LDB2: variants seen among roughly 807,000 people sequenced by gnomAD.
The protein encoded by LDB2 is LIM domain binding 2, also known as LIM domain-binding protein 2.
LDB2 carries 12 observed loss-of-function variants against 44.3 expected under a neutral mutation model. The ratio of observed to expected loss-of-function variants is 0.27; its 90% CI spans 0.17 to 0.44. LDB2 has a LOEUF of 0.44. LDB2 is among the 20% of genes least tolerant of loss of function. The pLI, the probability that LDB2 is intolerant of heterozygous loss-of-function variation, is 1.00. For synonymous variants in LDB2, 164 were observed against 174.8 expected (o/e 0.94, Z 0.49); for missense variants, 344 against 473.5 (o/e 0.73, Z 2.54).
chr4:16,771,506 A>G (rs992233085), intron 1 of LDB2, among the ~76,000 whole-genome samples: 3 of 152,174 alleles, frequency 2.0e-5, no homozygotes, highest in Admixed American at 6.5e-5. Flanking sequence ...CCAAAGAGGC[A>G]TCTCAGGCTT....
At chr4:16,802,132 C>T (rs947453071) in intron 1 of LDB2, among the ~76,000 whole-genome samples, 12 of 151,896 alleles carry the variant, frequency 7.9e-5, no homozygotes, top group Non-Finnish European at 1.5e-4. Context: ...CCCACCCATC[C>T]CCATCACCAA....
chr4:16,537,903 C>T (rs1210156722), intron 5 of LDB2, among the ~76,000 whole-genome samples: 1 of 152,204 alleles, frequency 6.6e-6, no homozygotes, highest in South Asian at 2.1e-4. Context: ...GCAAGAAGGT[C>T]TGCTTATTAC....
chr4:16,501,837 C>T lies in LDB2; in HGVS notation c.*806G>A, dbSNP rs1371612570. 1.3e-5 allele frequency: 2 copies of T among 152,552 alleles called. No homozygotes were observed. The highest frequency in any genetic ancestry group is 4.8e-5 in the African/African-American group (2 of 41,436). The allele number at this position is 152,552 out of a possible 1,614,324, so 9.4% of individuals were successfully genotyped here. A position where few individuals can be genotyped will look rare whatever the true frequency, so the allele number is the denominator to read the frequency against. On this transcript the variant is annotated 3_prime_UTR_variant, in exon 8 of 8. Transcript: ENST00000304523. ...TACAATTAGAAAACACACAAAGGTT[C>T]AGGTTTATTAAACTGCCCACAAAAC... is the stretch of plus-strand genomic sequence containing the variant.
chr4:16,528,217 G>A (rs1161444507), intron 5 of LDB2, among the ~76,000 whole-genome samples: 3 of 152,126 alleles, frequency 2.0e-5, no homozygotes, highest in Non-Finnish European at 4.4e-5. Flanking sequence ...GCGAAAGGGA[G>A]GGAAGCGGGT....
At chr4:16,780,692 A>G (rs1290318386) in intron 1 of LDB2, among the ~76,000 whole-genome samples, 2 of 151,868 alleles carry the variant, frequency 1.3e-5, no homozygotes, top group Non-Finnish European at 2.9e-5. Flanking sequence ...TTACAAGTTT[A>G]TTCGCTCTGT....
rs1265584797 is a variant in LDB2 at position 16,705,546 on chromosome 4, G to A, written c.235+53612C>T. Among the ~76,000 whole-genome samples the A allele has an allele frequency of 2.6e-5, 4 of 152,202 alleles. No homozygotes were observed. In the East Asian group the frequency reaches 5.8e-4, roughly 22 times the overall value. On this transcript the variant is annotated intron_variant, in intron 2 of 7. Coordinates refer to ENST00000304523, the MANE Select transcript of LDB2 (RefSeq NM_001290.5). ...CAGGAAATTCAATCTGTGGCCTGAG[G>A]GCAAGCCCAGCCTGCCTGCGCTTAG...
intron 2 of LDB2, among the ~76,000 whole-genome samples, chr4:16,728,058 G>A (rs1482960425): frequency 6.6e-6 from 1 of 152,156 alleles, no homozygotes; most frequent in Admixed American, 6.5e-5. Context: ...GGGGGAACTG[G>A]AGGAATTTCT....
intron 1 of LDB2, among the ~76,000 whole-genome samples, chr4:16,839,811 C>T (rs1049760900): frequency 6.6e-6 from 1 of 152,132 alleles, no homozygotes; most frequent in East Asian, 1.9e-4. Context: ...CTTATATAAG[C>T]TATGAGGAAA....
intron 1 of LDB2, among the ~76,000 whole-genome samples, chr4:16,790,669 TA>T (rs1775520537): frequency 7.0e-6 from 1 of 141,944 alleles, no homozygotes; most frequent in African/African-American, 3.2e-5. Context: ...GGAGCTAACA[TA>T]TTATTTCCTC....
intron 5 of LDB2, among the ~76,000 whole-genome samples, chr4:16,550,123 G>T (rs1217338879): frequency 1.3e-5 from 2 of 152,164 alleles, no homozygotes; most frequent in South Asian, 2.1e-4. Flanking sequence ...AACATGTTAG[G>T]CCTCATTCTC....
At chr4:16,823,418 C>T (rs999905290) in intron 1 of LDB2, among the ~76,000 whole-genome samples, 1 of 152,242 alleles carries the variant, frequency 6.6e-6, no homozygotes, top group African/African-American at 2.4e-5. Flanking sequence ...GTCACAGCAT[C>T]CAATCCCATC....
chr4:16,727,341 C>G (rs1389518466), intron 2 of LDB2, among the ~76,000 whole-genome samples: 1 of 152,160 alleles, frequency 6.6e-6, no homozygotes, highest in Non-Finnish European at 1.5e-5. Flanking sequence ...GCTGGTGTCC[C>G]AGGGATGATA....
intron 1 of LDB2, among the ~76,000 whole-genome samples, chr4:16,847,951 G>A (rs1214269719): frequency 6.6e-6 from 1 of 152,128 alleles, no homozygotes; most frequent in East Asian, 1.9e-4. Context: ...TTAAATCTCT[G>A]CTATAATGCA....
intron 2 of LDB2, among the ~76,000 whole-genome samples, chr4:16,701,299 C>A (rs936885941): frequency 6.6e-6 from 1 of 152,078 alleles, no homozygotes; most frequent in Non-Finnish European, 1.5e-5. Flanking sequence ...GTCTACTGAC[C>A]AACCTCAACA....
At chr4:16,695,057 A>G (rs913251394) in intron 2 of LDB2, among the ~76,000 whole-genome samples, 1 of 152,122 alleles carries the variant, frequency 6.6e-6, no homozygotes, top group South Asian at 2.1e-4. Context: ...TGCAAGTTGC[A>G]TTTCACAGAT....
At chr4:16,593,294 G>A (rs1184485874) in intron 3 of LDB2, among the ~76,000 whole-genome samples, 1 of 152,106 alleles carries the variant, frequency 6.6e-6, no homozygotes, top group Non-Finnish European at 1.5e-5. Context: ...TTAAAAATAA[G>A]CATTGGCTTC....
chr4:16,640,441 T>A (rs1046819357), intron 2 of LDB2, among the ~76,000 whole-genome samples: 3 of 152,170 alleles, frequency 2.0e-5, no homozygotes, highest in African/African-American at 7.2e-5. Flanking sequence ...CAATCCTGAC[T>A]TTTTAGGAGG....
intron 2 of LDB2, among the ~76,000 whole-genome samples, chr4:16,676,226 T>C (rs2152563469): frequency 6.6e-6 from 1 of 152,348 alleles, no homozygotes; most frequent in South Asian, 2.1e-4. Flanking sequence ...TGTTGCTACA[T>C]CTAGCCCACT....
At chr4:16,680,597 G>A (rs756171031) in intron 2 of LDB2, among the ~76,000 whole-genome samples, 7 of 152,142 alleles carry the variant, frequency 4.6e-5, no homozygotes, top group Non-Finnish European at 5.9e-5. Context: ...GAATATTGAG[G>A]CTCAGAAAAG....
Sources: gnomAD v4.1 joint callset for allele counts (sites outside exome capture counted in the v4.1 genomes callset) on GRCh38, gnomAD v4.1.1 for gene constraint, MANE v1.5 for transcripts, NCBI Gene and HGNC (gene_info 2026-07-23, HGNC 2026-07-21) for gene names.